The following SMG9 variants were observed in gnomAD, a reference collection of about 807,000 sequenced individuals.
SMG9 encodes SMG9 nonsense mediated mRNA decay factor, also known as nonsense-mediated mRNA decay factor SMG9.
Under a neutral mutation model 64.0 loss-of-function variants are expected in SMG9, and 55 were observed. The ratio of observed to expected loss-of-function variants is 0.86; its 90% CI spans 0.69 to 1.08. The LOEUF (loss-of-function observed/expected upper bound fraction) is 1.08, where lower values mean the gene tolerates loss of function less well. Among genes scored for constraint, SMG9 ranks in the 50% least tolerant of loss-of-function variants. The probability of loss-of-function intolerance (pLI) is 0.00; values close to 1 mark genes in which losing one functional copy is unlikely to be tolerated. For missense variants in SMG9, 554 were observed against 681.3 expected (o/e 0.81, Z 2.08); for synonymous variants, 244 against 254.8 (o/e 0.96, Z 0.41).
intron 6 of SMG9, among the ~76,000 whole-genome samples, chr19:43,743,733 A>G (rs1413071573): frequency 6.6e-6 from 1 of 152,218 alleles, no homozygotes; most frequent in Non-Finnish European, 1.5e-5. Flanking sequence ...GAGGTAGAGG[A>G]TGCAGTGGGC....
At chr19:43,733,599 C>T in intron 11 of SMG9, 27 bp downstream of exon 11, 1 of 1,612,130 alleles carries the variant, frequency 6.2e-7, no homozygotes, top group Non-Finnish European at 8.5e-7. Context: ...GGCTGACTAG[C>T]TTGGGGGGTG....
intron 9 of SMG9, among the ~76,000 whole-genome samples, 161 bp downstream of exon 9, chr19:43,737,436 G>A (rs1002294184): frequency 3.9e-5 from 6 of 152,160 alleles, no homozygotes; most frequent in African/African-American, 1.2e-4. Flanking sequence ...GTGTGTGCGC[G>A]CAGTGCTTTG....
At chr19:43,738,482 A>G (rs1411425396) in intron 7 of SMG9, among the ~76,000 whole-genome samples, 3 of 152,192 alleles carry the variant, frequency 2.0e-5, no homozygotes, top group Admixed American at 2.0e-4. Context: ...GTTTACTCAA[A>G]TGAGTCATGT....
chr19:43,746,172 TAAATA>T (rs1473821872), intron 5 of SMG9, among the ~76,000 whole-genome samples: 2 of 152,156 alleles, frequency 1.3e-5, no homozygotes, highest in Admixed American at 6.5e-5. Flanking sequence ...GACCGTCTCC[TAAATA>T]AATAAAGCAA....
At chr19:43,736,333 C>T (rs1445803007) in intron 9 of SMG9, among the ~76,000 whole-genome samples, 3 of 152,180 alleles carry the variant, frequency 2.0e-5, no homozygotes, top group Admixed American at 6.5e-5. Flanking sequence ...AAGGCATCTG[C>T]TTCCTAATTC....
chr19:43,738,291 T>C lies in SMG9; in HGVS notation c.814-74A>G, dbSNP rs564836033. 5.4e-5 allele frequency: 71 copies of C among 1,322,532 alleles called. No homozygotes were observed. In the South Asian group the frequency reaches 7.7e-4, roughly 14 times the overall value. 81.9% of individuals were successfully genotyped at this position (1,322,532 alleles called of 1,614,324 possible). A position where few individuals can be genotyped will look rare whatever the true frequency, so the allele number is the denominator to read the frequency against. The stretch of plus-strand genomic sequence containing the variant: ...ACGCTCAAGGCAAATACATTGTCTA[T>C]CTCAGGACAAAACAAGGTCAGAAAC... On this transcript the variant is annotated intron_variant, in intron 7 of 13. Transcript: ENST00000270066.
At chr19:43,743,084 G>T (rs75550874) in intron 6 of SMG9, among the ~76,000 whole-genome samples, 1 of 149,252 alleles carries the variant, frequency 6.7e-6, no homozygotes, top group Non-Finnish European at 1.5e-5. Flanking sequence ...AAAAAAAAAA[G>T]AGAGAGAGAG....
At chr19:43,738,545 CTAAGA>C (rs10597028) in intron 7 of SMG9, among the ~76,000 whole-genome samples, 33,932 of 151,398 alleles carry the variant, frequency 0.22, 3,789 homozygotes, top group Middle Eastern at 0.26. Flanking sequence ...CAAAACTTTG[CTAAGA>C]TAATTACTTA....
At chr19:43,741,724 C>T (rs551091752) in intron 6 of SMG9, among the ~76,000 whole-genome samples, 25 of 152,342 alleles carry the variant, frequency 1.6e-4, no homozygotes, top group Non-Finnish European at 8.8e-5. Context: ...ATGCCAGTCC[C>T]TTTCACTGGA....
chr19:43,748,157 T>A, intron 2 of SMG9, 105 bp from the exon 3 acceptor site: 1 of 1,317,264 alleles, frequency 7.6e-7, no homozygotes, highest in Non-Finnish European at 1.0e-6. Flanking sequence ...ACTACCTTGA[T>A]CCTACCAACA....
At chr19:43,742,874 T>C (rs751917830) in intron 6 of SMG9, among the ~76,000 whole-genome samples, 2 of 152,028 alleles carry the variant, frequency 1.3e-5, no homozygotes, top group Non-Finnish European at 2.9e-5. Flanking sequence ...GCAGATCACC[T>C]GTCAGGAGTT....
chr19:43,733,839 G>A lies in SMG9; in HGVS notation c.1103-106C>T, dbSNP rs1968567061. The A allele has an allele frequency of 5.4e-6, 4 of 746,448 alleles. No individual in the cohort carries two copies. The South Asian group carries it at 6.7e-5, about 12-fold the overall frequency. The allele number at this position is 746,448 out of a possible 1,614,324, so 46.2% of individuals were successfully genotyped here. ...TTGTTACCCCTGAGTTCAGATCACT[G>A]TGTAAATATTTATATAACTTCACTT... On this transcript the variant is annotated intron_variant, in intron 10 of 13. Coordinates refer to ENST00000270066, the MANE Select transcript of SMG9 (RefSeq NM_019108.4).
intron 2 of SMG9, 62 bp from the exon 3 acceptor site, chr19:43,748,114 AC>A (rs1969085084): frequency 1.3e-6 from 2 of 1,529,184 alleles, no homozygotes; most frequent in African/African-American, 1.4e-5. Context: ...ATCTTTATGT[AC>A]CATGAACTAT....
intron 2 of SMG9, 56 bp downstream of exon 2, chr19:43,750,536 C>A (rs1473953948): frequency 1.1e-5 from 17 of 1,550,560 alleles, no homozygotes; most frequent in Middle Eastern, 1.8e-4. Context: ...TGGCACATGG[C>A]AGGTGCGTGG....
At chr19:43,749,917 A>G (rs1969140838) in intron 2 of SMG9, among the ~76,000 whole-genome samples, 1 of 152,194 alleles carries the variant, frequency 6.6e-6, no homozygotes. Flanking sequence ...TCTGGGGCTC[A>G]TTTTCCTCAT....
In SMG9 at chr19:43,740,219, C is replaced by T. The variant is rs748950027; in HGVS notation, c.702-1G>A. 6.2e-7 allele frequency: 1 copy of T among 1,609,866 alleles called. No individual in the cohort carries two copies. The highest frequency in any genetic ancestry group is 8.5e-7 in the Non-Finnish European group (1 of 1,176,332). On this transcript the variant is annotated splice_acceptor_variant, in intron 6 of 13. Transcript: ENST00000270066. LOFTEE classifies it high-confidence loss of function. ...GCTCTGGGCCCGGAAAACATAAGTCCTGTGGAGAGGAGCAGGCAGGGGTGT... is the reference window on the plus strand; with the variant it reads ...GCTCTGGGCCCGGAAAACATAAGTCTTGTGGAGAGGAGCAGGCAGGGGTGT...
intron 5 of SMG9, 102 bp downstream of exon 5, chr19:43,747,336 TGTAA>T: frequency 9.6e-7 from 1 of 1,045,328 alleles, no homozygotes; most frequent in East Asian, 2.5e-5. Context: ...CTCTCACTGC[TGTAA>T]GTTGCCTCAA....
rs1341735514 is a variant in SMG9 at position 43,731,749 on chromosome 19, G to A, written c.1485-75C>T. The stretch of plus-strand genomic sequence containing the variant: ...CCAGCACCAACCCGGGACAGGTGGA[G>A]AAACTGAGGCCCCTTTTATGACCTG... On this transcript the variant is annotated intron_variant, in intron 13 of 13. Transcript: ENST00000270066. 56 of 1,574,376 alleles carry A rather than the reference G, an allele frequency of 3.6e-5. No homozygotes were observed. In the East Asian group the frequency reaches 1.0e-3, roughly 28 times the overall value.
chr19:43,737,797 C>G, intron 8 of SMG9, 115 bp from the exon 9 acceptor site: 4 of 968,994 alleles, frequency 4.1e-6, no homozygotes, highest in Non-Finnish European at 6.3e-6. Context: ...CTTCAAGCAG[C>G]TACTGTGTGC....
Sources: allele counts gnomAD v4.1 joint callset (sites outside exome capture counted in the v4.1 genomes callset), GRCh38; gene constraint gnomAD v4.1.1; transcripts MANE v1.5; gene names NCBI Gene and HGNC (gene_info 2026-07-23, HGNC 2026-07-21).